GAB2: variants seen among roughly 807,000 people sequenced by gnomAD.
GAB2 encodes the protein GRB2-associated-binding protein 2.
Under a neutral mutation model 65.5 loss-of-function variants are expected in GAB2, and 26 were observed. That is an observed-to-expected ratio of 0.40 (90% CI 0.29 to 0.55). The LOEUF (loss-of-function observed/expected upper bound fraction) is 0.55, where lower values mean the gene tolerates loss of function less well. GAB2 is among the 20% of genes least tolerant of loss of function. The pLI is 0.53. For synonymous variants in GAB2, 321 were observed against 329.6 expected (o/e 0.97, Z 0.28); for missense variants, 884 against 875.8 (o/e 1.01, Z -0.12).
At chr11:78,360,886 C>A (rs959758165) in intron 1 of GAB2, among the ~76,000 whole-genome samples, 11 of 151,946 alleles carry the variant, frequency 7.2e-5, no homozygotes, top group Non-Finnish European at 1.2e-4. Flanking sequence ...ACAACAACAA[C>A]AAAAAACCCA....
chr11:78,220,121 T>G (rs1434428660), intron 9 of GAB2, among the ~76,000 whole-genome samples, 198 bp downstream of exon 9: 3 of 152,186 alleles, frequency 2.0e-5, no homozygotes, highest in Non-Finnish European at 4.4e-5. Context: ...CTGAGGGTAC[T>G]GTGCTCTGAG....
chr11:78,382,419 C>T (rs1278099910), intron 1 of GAB2, among the ~76,000 whole-genome samples: 4 of 151,466 alleles, frequency 2.6e-5, no homozygotes, highest in Non-Finnish European at 5.9e-5. Flanking sequence ...CGCTCTGTCG[C>T]CCAGGCTGGA....
intron 1 of GAB2, among the ~76,000 whole-genome samples, chr11:78,303,828 C>T (rs973929266): frequency 3.3e-5 from 5 of 152,136 alleles, no homozygotes; most frequent in African/African-American, 7.2e-5. Context: ...TTACCTCTCC[C>T]GTTGGCAAAG....
chr11:78,309,971 TGCGC>T (rs1330078501), intron 1 of GAB2, among the ~76,000 whole-genome samples: 1 of 120,090 alleles, frequency 8.3e-6, no homozygotes, highest in African/African-American at 3.6e-5. Context: ...TGTGTGTGTG[TGCGC>T]GCGCGCCTGT....
intron 1 of GAB2, among the ~76,000 whole-genome samples, chr11:78,315,470 A>G (rs4492844): frequency 0.17 from 25,223 of 152,198 alleles, 2,558 homozygotes; most frequent in East Asian, 0.4. Flanking sequence ...CTGGATATCC[A>G]CATGTAAAAA....
intron 1 of GAB2, among the ~76,000 whole-genome samples, chr11:78,408,809 C>T (rs1029360812): frequency 2.6e-5 from 4 of 152,144 alleles, no homozygotes; most frequent in Non-Finnish European, 5.9e-5. Context: ...CACTCTCTTC[C>T]TCCTGCTCCA....
chr11:78,367,326 G>C (rs751196886), intron 1 of GAB2, among the ~76,000 whole-genome samples: 7 of 152,198 alleles, frequency 4.6e-5, no homozygotes, highest in Non-Finnish European at 1.0e-4. Flanking sequence ...AGTGTAAAGG[G>C]TCAGGTAGGT....
intron 7 of GAB2, 61 bp from the exon 8 acceptor site, chr11:78,221,840 C>A: frequency 8.2e-7 from 1 of 1,217,228 alleles, no homozygotes. Flanking sequence ...ATGTTTCTAG[C>A]CTCCAGCTGG....
intron 1 of GAB2, among the ~76,000 whole-genome samples, chr11:78,363,628 A>G (rs992933571): frequency 1.3e-5 from 2 of 151,588 alleles, no homozygotes; most frequent in Admixed American, 6.6e-5. Context: ...TTTGTTGCCA[A>G]GGCTGAAGTG....
chr11:78,224,835 G>A (rs151329546), intron 5 of GAB2, among the ~76,000 whole-genome samples: 149 of 151,978 alleles, frequency 9.8e-4, no homozygotes, highest in African/African-American at 3.5e-3. Context: ...GTGCAGCCTG[G>A]GTCTATTGCA....
At chr11:78,285,118 C>T (rs1467659207) in intron 1 of GAB2, among the ~76,000 whole-genome samples, 1 of 152,222 alleles carries the variant, frequency 6.6e-6, no homozygotes, top group African/African-American at 2.4e-5. Context: ...CAGGTTCACA[C>T]ATAGACACAT....
chr11:78,367,794 AAT>A (rs1271271542), intron 1 of GAB2, among the ~76,000 whole-genome samples: 1 of 151,642 alleles, frequency 6.6e-6, no homozygotes, highest in African/African-American at 2.4e-5. Flanking sequence ...AACATCTCAG[AAT>A]ATGTCAGTGC....
chr11:78,225,905 ATTT>A (rs1306853920), intron 4 of GAB2, among the ~76,000 whole-genome samples: 1 of 152,208 alleles, frequency 6.6e-6, no homozygotes, highest in Non-Finnish European at 1.5e-5. Flanking sequence ...ATATTGTTCT[ATTT>A]TTTCATCATA....
rs201950264 is a variant in GAB2 at position 78,222,097 on chromosome 11, G to A, written c.1658+8C>T. ...TCCAAGCTCCCACCCCCACACATAC[G>A]CACTTACTTGGCCCTAGACCAAGAC... On this transcript the variant is annotated splice_region_variant and intron_variant, in intron 7 of 9. Transcript: ENST00000361507. 1,974 of 1,577,812 alleles carry A rather than the reference G, an allele frequency of 1.3e-3. 7 individuals are homozygous for A. The highest frequency in any genetic ancestry group is 1.4e-3 in the Non-Finnish European group (1,574 of 1,146,940).
chr11:78,366,345 C>T (rs778010455), intron 1 of GAB2, among the ~76,000 whole-genome samples: 3 of 151,846 alleles, frequency 2.0e-5, no homozygotes, highest in African/African-American at 4.8e-5. Flanking sequence ...TTTGGGAGGC[C>T]GAGGCAGGTG....
chr11:78,272,633 A>T (rs1159065982), intron 2 of GAB2, among the ~76,000 whole-genome samples: 1 of 151,888 alleles, frequency 6.6e-6, no homozygotes, highest in Non-Finnish European at 1.5e-5. Context: ...GAAAATCTGC[A>T]CCTGACAATG....
intron 1 of GAB2, among the ~76,000 whole-genome samples, chr11:78,355,829 G>A (rs1022797905): frequency 1.3e-5 from 2 of 151,948 alleles, no homozygotes; most frequent in Non-Finnish European, 2.9e-5. Context: ...ACTCCTTATA[G>A]GACCCTGGCT....
In GAB2 at chr11:78,249,553, G is replaced by C. The variant is rs543844731; in HGVS notation, c.620+604C>G. On this transcript the variant is annotated intron_variant, in intron 3 of 9. Transcript: ENST00000361507. ...AGAAAAACAAAAGACCATTATCCTA[G>C]AACAGGGAGTCCTTGCTCTAGAACT... Among the ~76,000 whole-genome samples the C allele has an allele frequency of 9.2e-5, 14 of 152,276 alleles. 1 individual carries two copies. In the South Asian group the frequency reaches 2.9e-3, roughly 32 times the overall value.
At chr11:78,247,732 T>C (rs1210462105) in intron 3 of GAB2, among the ~76,000 whole-genome samples, 1 of 152,206 alleles carries the variant, frequency 6.6e-6, no homozygotes, top group African/African-American at 2.4e-5. Context: ...GAGTTTATAA[T>C]TATTACAGTA....
Sources: gnomAD v4.1 joint callset for allele counts (sites outside exome capture counted in the v4.1 genomes callset) on GRCh38, gnomAD v4.1.1 for gene constraint, MANE v1.5 for transcripts, NCBI Gene and HGNC (gene_info 2026-07-23, HGNC 2026-07-21) for gene names.